RAI1: variants seen among roughly 807,000 people sequenced by gnomAD.
The protein encoded by RAI1 is retinoic acid induced 1, also known as retinoic acid-induced protein 1.
A neutral mutation model predicts 123.8 loss-of-function variants in RAI1; 9 were observed. The ratio of observed to expected loss-of-function variants is 0.07; its 90% confidence interval spans 0.04 to 0.13. The LOEUF (loss-of-function observed/expected upper bound fraction) is 0.13, where lower values mean the gene tolerates loss of function less well. RAI1 is among the 10% of genes least tolerant of loss of function. RAI1 has a pLI of 1.00. For synonymous variants in RAI1, 1,231 were observed against 1,127.3 expected (o/e 1.09, Z -1.84); for missense variants, 2,256 against 2,545.8 (o/e 0.89, Z 2.45).
At chr17:17,707,090 G>A (rs34717629) in intron 1 of RAI1, among the ~76,000 whole-genome samples, 19,993 of 152,148 alleles carry the variant, frequency 0.13, 1,767 homozygotes, top group Middle Eastern at 0.21. Context: ...CAGGCAGATC[G>A]CTTGAGTTCA....
chr17:17,729,536 G>T (rs528500932), intron 2 of RAI1, among the ~76,000 whole-genome samples: 1 of 152,206 alleles, frequency 6.6e-6, no homozygotes, highest in Admixed American at 6.5e-5. Flanking sequence ...CGCTGGCCAC[G>T]AGTGGGGGCT....
chr17:17,695,537 T>TA (rs893725944), intron 1 of RAI1, among the ~76,000 whole-genome samples: 1 of 151,602 alleles, frequency 6.6e-6, no homozygotes, highest in Non-Finnish European at 1.5e-5. Flanking sequence ...CTCTCTTTTT[T>TA]TTTTTTTGAG....
At chr17:17,740,023 C>T (rs962898839) in intron 2 of RAI1, among the ~76,000 whole-genome samples, 11 of 152,216 alleles carry the variant, frequency 7.2e-5, no homozygotes, top group African/African-American at 2.7e-4. Flanking sequence ...GCAGCCCCAC[C>T]CTGAGGGAAT....
chr17:17,796,227 G>A lies in RAI1; in HGVS notation c.3279G>A (p.Lys1093=). Residue 1093 remains lysine, a synonymous_variant, in exon 3 of 6, where the codon AAG becomes AAA. Coordinates refer to ENST00000353383, the MANE Select transcript of RAI1 (RefSeq NM_030665.4). This position sits in a 1 kb window ranked among gnomAD's most constrained non-coding sequence, Gnocchi z 5.8. ...GGGGCAAGCAGCGAGCCGCCTTCAA[G>A]TCGGGCAAGCGGGTGGGGAAGCCCT... ...KLGGKQRAAF[K]SGKRVGKPSP... The A allele has an allele frequency of 6.4e-7, 1 of 1,565,780 alleles. No individual in the cohort carries two copies. Among genetic ancestry groups the A allele is most frequent in the East Asian group, 2.3e-5 (1 of 44,052 alleles).
chr17:17,705,260 T>C (rs1259727768), intron 1 of RAI1, among the ~76,000 whole-genome samples: 2 of 152,222 alleles, frequency 1.3e-5, no homozygotes, highest in Non-Finnish European at 2.9e-5. Flanking sequence ...CCAATCTGTT[T>C]CTATAATTGT....
At position 17,807,912 on chromosome 17, in the gene RAI1, G is replaced by C. The variant is rs7223673; in HGVS notation, c.5660-1478G>C. ...CAGTTTCCAGGTCCGTGGCACTCCAGCTTCTGGAGACAAGGGCAGATCGCC... is the reference window on the plus strand; with the variant it reads ...CAGTTTCCAGGTCCGTGGCACTCCACCTTCTGGAGACAAGGGCAGATCGCC... On this transcript the variant is annotated intron_variant, in intron 4 of 5. Coordinates refer to ENST00000353383, the MANE Select transcript of RAI1 (RefSeq NM_030665.4). Among the ~76,000 whole-genome samples, 891 of 152,348 alleles carry C rather than the reference G, an allele frequency of 5.8e-3. 12 individuals are homozygous for C. Among genetic ancestry groups the C allele is most frequent in the African/African-American group, 0.021 (862 of 41,574 alleles).
chr17:17,709,795 C>T (rs1307590550), intron 1 of RAI1, among the ~76,000 whole-genome samples: 1 of 152,204 alleles, frequency 6.6e-6, no homozygotes, highest in African/African-American at 2.4e-5. Context: ...TCCGTGCGGG[C>T]CTGGGGTGCA....
intron 2 of RAI1, among the ~76,000 whole-genome samples, chr17:17,761,414 G>C (rs2030691853): frequency 6.6e-6 from 1 of 152,162 alleles, no homozygotes; most frequent in Non-Finnish European, 1.5e-5. Flanking sequence ...CCTACTCTGT[G>C]CCAGGCACAG....
intron 1 of RAI1, among the ~76,000 whole-genome samples, chr17:17,700,608 G>A (rs1220889528): frequency 1.3e-5 from 2 of 152,128 alleles, no homozygotes; most frequent in Admixed American, 6.5e-5. Context: ...TAATTACCTG[G>A]AAAACGACGC....
intron 2 of RAI1, chr17:17,776,776 A>C (rs2031363389): frequency 2.8e-5 from 4 of 144,966 alleles, no homozygotes; most frequent in African/African-American, 1.0e-4. Flanking sequence ...CAATCCTCCT[A>C]CCTCAGCTTC....
intron 1 of RAI1, among the ~76,000 whole-genome samples, chr17:17,710,119 G>C (rs1284298305): frequency 6.6e-6 from 1 of 152,186 alleles, no homozygotes; most frequent in Non-Finnish European, 1.5e-5. Context: ...AGCACACACA[G>C]ACACGCACCT....
intron 2 of RAI1, among the ~76,000 whole-genome samples, chr17:17,775,964 C>T (rs1364858182): frequency 1.3e-5 from 2 of 152,218 alleles, no homozygotes; most frequent in African/African-American, 2.4e-5. Context: ...CACAGCTTAG[C>T]GCTTGAGCCA....
intron 1 of RAI1, among the ~76,000 whole-genome samples, chr17:17,686,635 A>T (rs1184649955): frequency 7.4e-6 from 1 of 134,662 alleles, no homozygotes; most frequent in Non-Finnish European, 1.6e-5. Context: ...GAGGGGAGAG[A>T]TGGGGAAGAG....
chr17:17,703,418 C>T (rs1313564941), intron 1 of RAI1, among the ~76,000 whole-genome samples: 1 of 152,180 alleles, frequency 6.6e-6, no homozygotes, highest in Non-Finnish European at 1.5e-5. Context: ...AGGCCAAAAA[C>T]CTTTGGAAGG....
intron 1 of RAI1, among the ~76,000 whole-genome samples, chr17:17,691,800 G>A (rs938823307): frequency 9.2e-5 from 14 of 152,216 alleles, no homozygotes; most frequent in Non-Finnish European, 2.1e-4. Context: ...GGCCAGGTGG[G>A]CAGTGGGAGC....
At chr17:17,684,743 G>A (rs1484916305) in intron 1 of RAI1, 3 of 146,160 alleles carry the variant, frequency 2.1e-5, no homozygotes, top group Non-Finnish European at 4.5e-5. Flanking sequence ...ACCAATCCAT[G>A]CATAGTTTTC....
intron 1 of RAI1, among the ~76,000 whole-genome samples, chr17:17,690,573 A>G (rs2142865068): frequency 6.6e-6 from 1 of 152,266 alleles, no homozygotes; most frequent in East Asian, 1.9e-4. Flanking sequence ...TACCTATTTC[A>G]TAGTTTTGTT....
At chr17:17,785,037 C>G (rs1035617388) in intron 2 of RAI1, among the ~76,000 whole-genome samples, 7 of 152,202 alleles carry the variant, frequency 4.6e-5, no homozygotes, top group African/African-American at 1.7e-4. Flanking sequence ...CACTACATCT[C>G]AACACCACCA....
At chr17:17,717,007 G>A (rs1229398160) in intron 1 of RAI1, among the ~76,000 whole-genome samples, 72 of 152,232 alleles carry the variant, frequency 4.7e-4, no homozygotes, top group Admixed American at 4.6e-3. Flanking sequence ...GTCTATAGCA[G>A]TGGCTAGATG....
Sources: allele counts gnomAD v4.1 joint callset (sites outside exome capture counted in the v4.1 genomes callset), GRCh38; gene constraint gnomAD v4.1.1; non-coding constraint Gnocchi (gnomAD v3.1); transcripts MANE v1.5; gene names NCBI Gene and HGNC (gene_info 2026-07-23, HGNC 2026-07-21).